SAMMSON: variants seen among roughly 807,000 people sequenced by gnomAD.
The protein encoded by SAMMSON is long intergenic non-protein coding RNA 1212.
intron 9 of SAMMSON, among the ~76,000 whole-genome samples, chr3:70,371,599 T>C (rs555868674): frequency 6.6e-6 from 1 of 152,136 alleles, no homozygotes; most frequent in African/African-American, 2.4e-5. Context: ...TTTTAATAGC[T>C]ATTGTAAATG....
chr3:70,359,010 G>T (rs1037783644), intron 9 of SAMMSON, among the ~76,000 whole-genome samples: 1 of 151,940 alleles, frequency 6.6e-6, no homozygotes, highest in Non-Finnish European at 1.5e-5. Flanking sequence ...GAGTTGGCTC[G>T]CCAAGGATAG....
intron 7 of SAMMSON, among the ~76,000 whole-genome samples, chr3:70,345,449 T>G (rs1702743167): frequency 6.6e-6 from 1 of 152,230 alleles, no homozygotes; most frequent in Admixed American, 6.5e-5. Flanking sequence ...GCCAGATAGT[T>G]TTGTCCCATT....
intron 3 of SAMMSON, among the ~76,000 whole-genome samples, chr3:70,057,831 C>G (rs2067173583): frequency 1.3e-5 from 2 of 151,960 alleles, no homozygotes. Context: ...TTACAATTCC[C>G]CCATGCAGTG....
intron 4 of SAMMSON, among the ~76,000 whole-genome samples, chr3:70,174,212 G>A (rs936431270): frequency 6.6e-6 from 1 of 151,968 alleles, no homozygotes; most frequent in African/African-American, 2.4e-5. Context: ...CTCTACATCT[G>A]AGTGTTTATT....
At chr3:70,018,488 T>C (rs201728431) in intron 3 of SAMMSON, among the ~76,000 whole-genome samples, 2,052 of 152,304 alleles carry the variant, frequency 0.013, 23 homozygotes, top group Middle Eastern at 0.051. Context: ...TTTATTAGTC[T>C]TGCTAGCAGT....
At chr3:70,423,896 G>T (rs1386695730) in intron 2 of SAMMSON, among the ~76,000 whole-genome samples, 11 of 152,198 alleles carry the variant, frequency 7.2e-5, no homozygotes, top group Admixed American at 5.2e-4. Flanking sequence ...ATCTTCAGTG[G>T]AGTGTGGGTC....
At chr3:70,162,460 G>A (rs1467328780) in intron 4 of SAMMSON, among the ~76,000 whole-genome samples, 2 of 150,452 alleles carry the variant, frequency 1.3e-5, no homozygotes, top group Non-Finnish European at 3.0e-5. Context: ...TTTTTTTTCT[G>A]TTACCGATTT....
chr3:70,021,372 T>G (rs1297753280), intron 3 of SAMMSON, among the ~76,000 whole-genome samples: 2 of 152,234 alleles, frequency 1.3e-5, no homozygotes, highest in East Asian at 3.8e-4. Flanking sequence ...GTTAACCTTT[T>G]GCTGTTTTTA....
At chr3:70,354,996 C>A (rs1171138173) in intron 8 of SAMMSON, among the ~76,000 whole-genome samples, 1 of 152,050 alleles carries the variant, frequency 6.6e-6, no homozygotes, top group Non-Finnish European at 1.5e-5. Flanking sequence ...CACGACTCAG[C>A]AATAGTACAC....
intron 3 of SAMMSON, among the ~76,000 whole-genome samples, chr3:70,067,509 G>A (rs1485098644): frequency 1.3e-5 from 2 of 152,042 alleles, no homozygotes; most frequent in Admixed American, 6.6e-5. Flanking sequence ...GCCCCCACTT[G>A]GAACTAAAGA....
chr3:70,087,422 C>T (rs2067289645), intron 4 of SAMMSON, among the ~76,000 whole-genome samples: 1 of 152,078 alleles, frequency 6.6e-6, no homozygotes. Flanking sequence ...GGGGTCTCAG[C>T]CTGAGACCTT....
chr3:70,121,823 G>T (rs1007550898), intron 4 of SAMMSON, among the ~76,000 whole-genome samples: 3 of 152,176 alleles, frequency 2.0e-5, no homozygotes, highest in African/African-American at 7.2e-5. Context: ...AGCCGAGTCA[G>T]CTACGTAGCT....
At chr3:70,232,453 G>A (rs567812150) in intron 4 of SAMMSON, among the ~76,000 whole-genome samples, 23 of 151,478 alleles carry the variant, frequency 1.5e-4, no homozygotes, top group African/African-American at 5.1e-4. Flanking sequence ...CCAGGCTGGA[G>A]TGCAGTGGCA....
intron 4 of SAMMSON, among the ~76,000 whole-genome samples, chr3:70,188,985 C>A (rs772891656): frequency 3.3e-5 from 5 of 152,098 alleles, no homozygotes; most frequent in Non-Finnish European, 7.4e-5. Context: ...GGTTCAAACA[C>A]CCCAAAAATC....
At chr3:70,267,149 T>C (rs1575610546) in intron 6 of SAMMSON, among the ~76,000 whole-genome samples, 1 of 152,176 alleles carries the variant, frequency 6.6e-6, no homozygotes, top group South Asian at 2.1e-4. Flanking sequence ...TCTATTTTTA[T>C]AAATTTTCTC....
At chr3:70,142,136 T>A (rs61051156) in intron 4 of SAMMSON, among the ~76,000 whole-genome samples, 150,372 of 152,246 alleles carry the variant, frequency 0.99, 74,287 homozygotes, top group East Asian at 1. Context: ...TTCCCTAAAA[T>A]CTAAAAGTAG....
chr3:70,277,430 A>G (rs1163137224), intron 6 of SAMMSON, among the ~76,000 whole-genome samples: 1 of 152,174 alleles, frequency 6.6e-6, no homozygotes, highest in Non-Finnish European at 1.5e-5. Flanking sequence ...GTTTGCTTAC[A>G]AGGTATGAAG....
intron 3 of SAMMSON, among the ~76,000 whole-genome samples, chr3:70,041,660 A>G (rs867995884): frequency 6.6e-6 from 1 of 152,160 alleles, no homozygotes; most frequent in African/African-American, 2.4e-5. Flanking sequence ...AATACAACAT[A>G]TTAAAAATGC....
intron 9 of SAMMSON, among the ~76,000 whole-genome samples, chr3:70,384,393 A>G (rs1159901940): frequency 2.0e-5 from 3 of 152,050 alleles, no homozygotes; most frequent in Non-Finnish European, 2.9e-5. Context: ...ATAATATAGA[A>G]CACTTTAGTT....
Sources: gnomAD v4.1 joint callset for allele counts (sites outside exome capture counted in the v4.1 genomes callset) on GRCh38, gnomAD v4.1.1 for gene constraint, MANE v1.5 for transcripts, NCBI Gene and HGNC (gene_info 2026-07-23, HGNC 2026-07-21) for gene names.